AKR1C3: variants seen among roughly 807,000 people sequenced by gnomAD.
AKR1C3 encodes the protein aldo-keto reductase family 1 member C3.
AKR1C3 carries 48 observed loss-of-function variants against 43.6 expected under a neutral mutation model. The observed-to-expected ratio is 1.10, with a 90% CI of 0.87 to 1.40. The LOEUF (loss-of-function observed/expected upper bound fraction) is 1.40. AKR1C3 is among the 40% of genes most tolerant of loss of function. The pLI, the probability that AKR1C3 is intolerant of heterozygous loss-of-function variation, is 0.00. For missense variants in AKR1C3, 482 were observed against 391.2 expected (o/e 1.23, Z -1.96); for synonymous variants, 162 against 139.6 (o/e 1.16, Z -1.13).
At chr10:5,054,687 TTCTC>T (rs1209437352) in intron 1 of AKR1C3, among the ~76,000 whole-genome samples, 3 of 152,190 alleles carry the variant, frequency 2.0e-5, no homozygotes, top group Admixed American at 6.5e-5. Context: ...CTGTCCCTCT[TTCTC>T]TCTGACTCCT....
chr10:5,079,144 G>A (rs1488681146), intron 1 of AKR1C3, among the ~76,000 whole-genome samples: 2 of 152,152 alleles, frequency 1.3e-5, no homozygotes, highest in African/African-American at 4.8e-5. Flanking sequence ...ATAAAATGGA[G>A]CTATTTGTTT....
rs782241443 is a variant in AKR1C3 at position 5,095,877 on chromosome 10, GA to G, written c.85-532del. Among the ~76,000 whole-genome samples, 1,489 of 152,162 alleles carry G rather than the reference GA, an allele frequency of 9.8e-3. 23 individuals are homozygous for G. Among genetic ancestry groups the G allele is most frequent in the African/African-American group, 0.034 (1,417 of 41,518 alleles). On this transcript the variant is annotated intron_variant, in intron 1 of 8. Transcript: ENST00000380554. Reference sequence around the variant, plus strand: ...AAGACTTAATAGACTACTATTCACAGATGCTTTATTTCCCAAGTGAACCCTA... The same window carrying G: ...AAGACTTAATAGACTACTATTCACAGTGCTTTATTTCCCAAGTGAACCCTA...
At position 5,099,384 on chromosome 10, in the gene AKR1C3, A is replaced by T; in HGVS notation, c.505A>T (p.Asn169Tyr). 1 of 1,614,180 alleles carries T rather than the reference A, an allele frequency of 6.2e-7. No homozygotes were observed. Among genetic ancestry groups the T allele is most frequent in the Non-Finnish European group, 8.5e-7 (1 of 1,180,040 alleles). The change falls in exon 5 of 9, where the codon AAC becomes TAC. Residue 169 changes from asparagine to tyrosine, a missense_variant. Asn to Tyr is a moderately radical substitution (Grantham distance 143). Coordinates refer to ENST00000380554, the MANE Select transcript of AKR1C3 (RefSeq NM_003739.6). ...CAAGTCCATTGGGGTGTCAAACTTC[A>T]ACCGCAGGCAGCTGGAGATGATCCT... ...LAKSIGVSNF[N>Y]RRQLEMILNK...
intron 1 of AKR1C3, 123 bp downstream of exon 1, chr10:5,094,651 C>T (rs897676991): frequency 2.3e-5 from 25 of 1,074,822 alleles, no homozygotes; most frequent in Middle Eastern, 2.3e-4. Flanking sequence ...GTCTAGGTTT[C>T]CTAGGCTAGG....
intron 1 of AKR1C3, 83 bp from the exon 2 acceptor site, chr10:5,096,327 T>A (rs1839205769): frequency 6.7e-7 from 1 of 1,498,932 alleles, no homozygotes; most frequent in African/African-American, 1.4e-5. Flanking sequence ...AAAAGCTGAT[T>A]CTTGTATAAA....
chr10:5,094,691 T>C (rs1027475487), intron 1 of AKR1C3, among the ~76,000 whole-genome samples, 163 bp downstream of exon 1: 3 of 152,150 alleles, frequency 2.0e-5, no homozygotes, highest in Admixed American at 6.6e-5. Context: ...TTGTTCTGCA[T>C]TGAGGTCCAT....
intron 1 of AKR1C3, among the ~76,000 whole-genome samples, chr10:5,087,181 G>T (rs868942002): frequency 6.6e-6 from 1 of 152,126 alleles, no homozygotes; most frequent in Non-Finnish European, 1.5e-5. Flanking sequence ...TTTACAATTT[G>T]GCATGTTTTT....
At chr10:5,101,498 C>T (rs566784742) in intron 5 of AKR1C3, among the ~76,000 whole-genome samples, 2 of 152,144 alleles carry the variant, frequency 1.3e-5, no homozygotes, top group Non-Finnish European at 2.9e-5. Flanking sequence ...TATCAATTTC[C>T]TAAGAGATTA....
chr10:5,066,962 C>G (rs1228778273), intron 1 of AKR1C3, among the ~76,000 whole-genome samples: 1 of 152,154 alleles, frequency 6.6e-6, no homozygotes, highest in African/African-American at 2.4e-5. Flanking sequence ...CAAATGATGC[C>G]CTTCTAAAAG....
chr10:5,053,768 T>C (rs1257017833), intron 1 of AKR1C3, among the ~76,000 whole-genome samples: 1 of 152,228 alleles, frequency 6.6e-6, no homozygotes, highest in East Asian at 1.9e-4. Flanking sequence ...CCTGCAGTTG[T>C]AGTGTCCTCC....
In AKR1C3 at chr10:5,099,433, A is replaced by G. The variant is rs1236599101; in HGVS notation, c.554A>G (p.Lys185Arg). 1.9e-6 allele frequency: 3 copies of G among 1,614,060 alleles called. No homozygotes were observed. The African/African-American group carries it at 4.0e-5, about 22-fold the overall frequency. ...MILNKPGLKY[K>R]PVCNQVECHP... The stretch of plus-strand genomic sequence containing the variant: ...CTCAACAAGCCAGGACTCAAGTACA[A>G]GCCTGTCTGCAACCAGGTGAGCTCC... Residue 185 changes from lysine (K) to arginine (R), a missense_variant, in exon 5 of 9, where the codon AAG becomes AGG. Coordinates refer to ENST00000380554, the MANE Select transcript of AKR1C3 (RefSeq NM_003739.6).
chr10:5,084,523 T>A (rs1351381728), intron 1 of AKR1C3, among the ~76,000 whole-genome samples: 1 of 152,184 alleles, frequency 6.6e-6, no homozygotes, highest in Non-Finnish European at 1.5e-5. Flanking sequence ...TGCCTCCGGC[T>A]TTGTTCTTTT....
chr10:5,071,749 G>A (rs1325757387), intron 1 of AKR1C3, among the ~76,000 whole-genome samples: 1 of 152,192 alleles, frequency 6.6e-6, no homozygotes, highest in Non-Finnish European at 1.5e-5. Context: ...GTCTCACAGA[G>A]GGCAGGAGTC....
Position 5,084,883 on chromosome 10 carries a change from T to G in AKR1C3, c.85-11527T>G, listed in dbSNP as rs1393852530. On this transcript the variant is annotated intron_variant, in intron 1 of 8. Transcript: ENST00000439082. Reference sequence around the variant, plus strand: ...TCATGATTTGGCTCTCTGTTTGTCTTTTATTGGTGTATAAGAATGCTTGTG... The same window carrying G: ...TCATGATTTGGCTCTCTGTTTGTCTGTTATTGGTGTATAAGAATGCTTGTG... 2.0e-5 allele frequency among the ~76,000 whole-genome samples: 3 copies of G among 152,190 alleles called. No homozygotes were observed. The East Asian group carries it at 5.8e-4, about 29-fold the overall frequency.
At chr10:5,061,557 A>G (rs139627896) in intron 1 of AKR1C3, among the ~76,000 whole-genome samples, 24 of 152,288 alleles carry the variant, frequency 1.6e-4, no homozygotes, top group Non-Finnish European at 3.5e-4. Context: ...GTATGCTTGG[A>G]AAAACGCATT....
At position 5,077,968 on chromosome 10, in the gene AKR1C3, A is replaced by C. The variant is rs1239620289; in HGVS notation, c.85-18442A>C. 21 of 680,012 alleles carry C rather than the reference A, an allele frequency of 3.1e-5. 1 individual carries two copies. The highest frequency in any genetic ancestry group is 5.0e-5 in the Non-Finnish European group (19 of 378,230). The allele number at this position is 680,012 out of a possible 1,614,324, so 42.1% of individuals were successfully genotyped here. A position where few individuals can be genotyped will look rare whatever the true frequency, so the allele number is the denominator to read the frequency against. ...CCAACAACTGTTCAAGAAGGATGCA[A>C]ATATCACAGGTAAGAATCCTACATT... On this transcript the variant is annotated intron_variant, in intron 1 of 8. Transcript: ENST00000439082.
At chr10:5,085,310 C>CTTT (rs1191206664) in intron 1 of AKR1C3, among the ~76,000 whole-genome samples, 1 of 151,624 alleles carries the variant, frequency 6.6e-6, no homozygotes, top group Non-Finnish European at 1.5e-5. Flanking sequence ...TGTCAAAGGC[C>CTTT]TTTTCTGCAT....
chr10:5,061,778 G>A (rs1238269329), intron 1 of AKR1C3, among the ~76,000 whole-genome samples: 1 of 152,100 alleles, frequency 6.6e-6, no homozygotes, highest in Non-Finnish European at 1.5e-5. Flanking sequence ...AATGTTCTTA[G>A]ATTCCAGAAA....
At chr10:5,051,375 G>A (rs1838150477) in intron 1 of AKR1C3, among the ~76,000 whole-genome samples, 1 of 152,204 alleles carries the variant, frequency 6.6e-6, no homozygotes, top group South Asian at 2.1e-4. Flanking sequence ...GGGATTACAG[G>A]CATGAGCCAC....
Sources: gnomAD v4.1 joint callset for allele counts (sites outside exome capture counted in the v4.1 genomes callset) on GRCh38, gnomAD v4.1.1 for gene constraint, MANE v1.5 for transcripts, NCBI Gene and HGNC (gene_info 2026-07-23, HGNC 2026-07-21) for gene names.